The following ANKRD31 variants were observed in gnomAD, a reference collection of about 807,000 sequenced individuals.
ANKRD31 encodes ankyrin repeat domain-containing protein 31.
A neutral mutation model predicts 186.0 loss-of-function variants in ANKRD31; 147 were observed. The observed-to-expected ratio is 0.79, with a 90% CI of 0.69 to 0.91. The LOEUF is 0.91. Among genes scored for constraint, ANKRD31 ranks in the 40% least tolerant of loss-of-function variants. The probability of loss-of-function intolerance (pLI) is 0.00; values close to 1 mark genes in which losing one functional copy is unlikely to be tolerated. For synonymous variants in ANKRD31, 673 were observed against 736.4 expected (o/e 0.91, Z 1.39); for missense variants, 1,986 against 2,148.8 (o/e 0.92, Z 1.50).
chr5:75,178,899 G>A (rs1580496209), intron 10 of ANKRD31, among the ~76,000 whole-genome samples: 1 of 152,112 alleles, frequency 6.6e-6, no homozygotes, highest in Non-Finnish European at 1.5e-5. Context: ...CAGAACTGAA[G>A]GAAATAGAGA....
chr5:75,218,712 AC>A (rs1364694026), intron 3 of ANKRD31, among the ~76,000 whole-genome samples: 2 of 152,158 alleles, frequency 1.3e-5, no homozygotes, highest in South Asian at 4.1e-4. Flanking sequence ...CAAAATACTA[AC>A]AAACCAAATG....
chr5:75,222,695 T>A (rs1166100532), intron 2 of ANKRD31, among the ~76,000 whole-genome samples: 1 of 152,184 alleles, frequency 6.6e-6, no homozygotes, highest in Non-Finnish European at 1.5e-5. Context: ...AGTGAGAACA[T>A]GCAGTGTTTG....
Position 75,230,554 on chromosome 5 carries a change from A to C in ANKRD31, c.178+8T>G. 6.5e-7 allele frequency: 1 copy of C among 1,532,400 alleles called. No homozygotes were observed. Among genetic ancestry groups the C allele is most frequent in the Non-Finnish European group, 8.8e-7 (1 of 1,142,770 alleles). 94.9% of individuals were successfully genotyped at this position (1,532,400 alleles called of 1,614,324 possible). ...AAGGGACTACTTAATGAAAAGAATC[A>C]TTCTCACCTTTGCACATTCCTCTTG... On this transcript the variant is annotated splice_region_variant and intron_variant, in intron 2 of 25. Transcript: ENST00000506364.
intron 2 of ANKRD31, among the ~76,000 whole-genome samples, chr5:75,227,217 A>G (rs990886734): frequency 6.6e-6 from 1 of 152,226 alleles, no homozygotes; most frequent in Non-Finnish European, 1.5e-5. Context: ...TGTGGGAGCC[A>G]AAATCACAAC....
At chr5:75,154,820 T>C (rs575942555) in intron 11 of ANKRD31, among the ~76,000 whole-genome samples, 1 of 152,260 alleles carries the variant, frequency 6.6e-6, no homozygotes, top group South Asian at 2.1e-4. Flanking sequence ...TCTATACCTG[T>C]GCTGCCGCTG....
intron 18 of ANKRD31, among the ~76,000 whole-genome samples, chr5:75,117,287 A>G (rs1748374820): frequency 6.6e-6 from 1 of 152,138 alleles, no homozygotes; most frequent in Non-Finnish European, 1.5e-5. Flanking sequence ...AAATCATGGG[A>G]ACTTTCAGGT....
rs1491588600 is a variant in ANKRD31 at position 75,232,566 on chromosome 5, T to TG, written c.105-1932_105-1931insC. Among the ~76,000 whole-genome samples, 335 of 41,004 alleles carry TG rather than the reference T, an allele frequency of 8.2e-3. 5 individuals carry two copies. Among genetic ancestry groups the TG allele is most frequent in the Admixed American group, 0.062 (299 of 4,848 alleles). 26.9% of individuals were successfully genotyped at this position (41,004 alleles called of 152,430 possible). A position where few individuals can be genotyped will look rare whatever the true frequency, so the allele number is the denominator to read the frequency against. On this transcript the variant is annotated intron_variant, in intron 1 of 25. Coordinates refer to ENST00000506364, the MANE Select transcript of ANKRD31 (RefSeq NM_001372053.1). ...ACTGCACCCAACCAAATTTTGTGTG[T>TG]TTTTTTTTTTTAATTTAAAAATAAC... is the stretch of plus-strand genomic sequence containing the variant.
chr5:75,189,767 T>C (rs1181135677), intron 9 of ANKRD31, among the ~76,000 whole-genome samples: 12 of 152,166 alleles, frequency 7.9e-5, no homozygotes, highest in African/African-American at 1.2e-4. Flanking sequence ...CATTGTCAGG[T>C]TGAATTCCTA....
chr5:75,188,476 T>C lies in ANKRD31; in HGVS notation c.1564+17A>G, dbSNP rs1433876147. 1.3e-6 allele frequency: 2 copies of C among 1,530,628 alleles called. No individual in the cohort carries two copies. The highest frequency in any genetic ancestry group is 4.9e-5 in the East Asian group (2 of 40,814). 94.8% of individuals were successfully genotyped at this position (1,530,628 alleles called of 1,614,324 possible). ...AAACCACTCTTAAGGTAACTGTGGG[T>C]GGTAATCCTAACTTACCAGCATAAC... On this transcript the variant is annotated intron_variant, in intron 10 of 25. Coordinates refer to ENST00000506364, the MANE Select transcript of ANKRD31 (RefSeq NM_001372053.1).
chr5:75,222,437 C>A, intron 2 of ANKRD31, 79 bp from the exon 3 acceptor site: 1 of 964,012 alleles, frequency 1.0e-6, no homozygotes, highest in Non-Finnish European at 1.5e-6. Flanking sequence ...ATTTTATACG[C>A]ATGCAAAATG....
chr5:75,094,956 G>C (rs143402313), intron 22 of ANKRD31, among the ~76,000 whole-genome samples: 11 of 152,182 alleles, frequency 7.2e-5, no homozygotes, highest in African/African-American at 2.4e-4. Flanking sequence ...ATTTTATAAT[G>C]CTAAGAGGCT....
At chr5:75,232,043 G>A (rs1757984679) in intron 1 of ANKRD31, among the ~76,000 whole-genome samples, 1 of 152,086 alleles carries the variant, frequency 6.6e-6, no homozygotes, top group Non-Finnish European at 1.5e-5. Context: ...GTGAGAGTGA[G>A]TACAGGCTCC....
intron 11 of ANKRD31, among the ~76,000 whole-genome samples, chr5:75,158,115 A>C (rs1203145950): frequency 6.6e-6 from 1 of 151,934 alleles, no homozygotes; most frequent in Non-Finnish European, 1.5e-5. Flanking sequence ...AGGAGATGCT[A>C]GAGAAGAAAC....
At chr5:75,142,131 T>A (rs1330577440) in intron 15 of ANKRD31, among the ~76,000 whole-genome samples, 2 of 152,118 alleles carry the variant, frequency 1.3e-5, no homozygotes, top group Non-Finnish European at 2.9e-5. Context: ...TGTGACCAGT[T>A]TTTTCTTCTC....
chr5:75,194,098 T>C (rs1369954907), intron 7 of ANKRD31, among the ~76,000 whole-genome samples: 2 of 152,196 alleles, frequency 1.3e-5, no homozygotes, highest in South Asian at 4.1e-4. Context: ...TAATTCATTA[T>C]AGATTTAACT....
chr5:75,220,443 C>A (rs910158574), intron 3 of ANKRD31, among the ~76,000 whole-genome samples: 1 of 151,908 alleles, frequency 6.6e-6, no homozygotes, highest in Non-Finnish European at 1.5e-5. Flanking sequence ...AGTTCGAGAC[C>A]AGCCGAACCA....
chr5:75,139,493 T>C (rs1446456746), intron 15 of ANKRD31, among the ~76,000 whole-genome samples: 1 of 152,156 alleles, frequency 6.6e-6, no homozygotes, highest in African/African-American at 2.4e-5. Flanking sequence ...GCAATACAAG[T>C]TAGACAGACT....
chr5:75,195,737 A>C lies in ANKRD31; in HGVS notation c.911T>G (p.Ile304Ser). Residue 304 changes from isoleucine (I) to serine (S), a missense_variant, in exon 7 of 26, where the codon ATC becomes AGC. Ile to Ser is a moderately radical substitution (Grantham distance 142). Transcript: ENST00000506364. ...NTLSEAKVET[I>S]CHRKEGGSSL... ...GCTACCTCCCTCTTTTCTGTGACAG[A>C]TGGTTTCCACCTTGGCTTCTGACAA... 6.5e-7 allele frequency: 1 copy of C among 1,537,560 alleles called. No homozygotes were observed. The highest frequency in any genetic ancestry group is 1.4e-5 in the African/African-American group (1 of 73,138).
At chr5:75,126,239 C>A (rs979935610) in intron 17 of ANKRD31, among the ~76,000 whole-genome samples, 7 of 152,024 alleles carry the variant, frequency 4.6e-5, no homozygotes, top group African/African-American at 1.7e-4. Context: ...GTCAGGAGTT[C>A]GAGACCAGCC....
Sources: gnomAD v4.1 joint callset for allele counts (sites outside exome capture counted in the v4.1 genomes callset) on GRCh38, gnomAD v4.1.1 for gene constraint, MANE v1.5 for transcripts, NCBI Gene and HGNC (gene_info 2026-07-23, HGNC 2026-07-21) for gene names.